Variants in RIPOR2 observed in about 807,000 individuals in gnomAD.
RIPOR2 encodes RHO family interacting cell polarization regulator 2.
A neutral mutation model predicts 114.5 loss-of-function variants in RIPOR2; 39 were observed. The observed-to-expected ratio is 0.34, with a 90% CI of 0.26 to 0.44. RIPOR2 has a LOEUF of 0.44. RIPOR2 is among the 20% of genes least tolerant of loss of function. The probability of loss-of-function intolerance (pLI) is 1.00; values close to 1 mark genes in which losing one functional copy is unlikely to be tolerated. For missense variants in RIPOR2, 1,007 were observed against 1,255.1 expected, an observed-to-expected ratio of 0.80 and a Z score of 2.99; for synonymous variants, 445 against 484.4, an observed-to-expected ratio of 0.92 and a Z score of 1.07.
intron 1 of RIPOR2, among the ~76,000 whole-genome samples, chr6:24,960,283 A>G (rs1773242817): frequency 6.6e-6 from 1 of 152,218 alleles, no homozygotes; most frequent in Non-Finnish European, 1.5e-5. Flanking sequence ...TCAAGGCACC[A>G]GCAGTTTAGG....
At chr6:24,869,474 T>C (rs537427076) in intron 5 of RIPOR2, among the ~76,000 whole-genome samples, 3 of 152,036 alleles carry the variant, frequency 2.0e-5, no homozygotes, top group Non-Finnish European at 4.4e-5. Context: ...CCCGCCACCA[T>C]GCCTGGCTAA....
intron 18 of RIPOR2, among the ~76,000 whole-genome samples, chr6:24,827,779 T>C (rs149331076): frequency 9.2e-5 from 14 of 152,312 alleles, no homozygotes; most frequent in Admixed American, 2.6e-4. Context: ...CTTCCTATTA[T>C]TAATGAAAGC....
intron 1 of RIPOR2, among the ~76,000 whole-genome samples, chr6:24,890,966 A>T (rs1014250853): frequency 1.3e-5 from 2 of 152,238 alleles, no homozygotes; most frequent in Non-Finnish European, 2.9e-5. Flanking sequence ...TACAAAAAAA[A>T]AATTACCTTG....
At chr6:24,927,822 G>C (rs1052337330) in intron 1 of RIPOR2, among the ~76,000 whole-genome samples, 4 of 152,306 alleles carry the variant, frequency 2.6e-5, no homozygotes, top group Non-Finnish European at 5.9e-5. Flanking sequence ...GGTTTTATGA[G>C]TTCAAATATT....
chr6:24,871,319 G>A (rs892575989), intron 4 of RIPOR2, among the ~76,000 whole-genome samples: 2 of 152,104 alleles, frequency 1.3e-5, no homozygotes, highest in Non-Finnish European at 2.9e-5. Context: ...TACCTGCCTC[G>A]CTGTCTAAAC....
rs1554130561 is a variant in RIPOR2, at chr6:25,005,738, T to TATACATACATAC, written c.76+36112_76+36113insGTATGTATGTAT. The stretch of plus-strand genomic sequence containing the variant: ...ATATATATATATATATATATATATA[T>TATACATACATAC]ATACATTTACCGATCAAAAGATATG... On this transcript the variant is annotated intron_variant, in intron 1 of 13. Coordinates refer to the RIPOR2 transcript ENST00000510784. Among the ~76,000 whole-genome samples the TATACATACATAC allele has an allele frequency of 3.0e-4, 21 of 70,692 alleles. 1 individual carries two copies. The highest frequency in any genetic ancestry group is 4.9e-4 in the African/African-American group (12 of 24,378). 46.4% of individuals were successfully genotyped at this position (70,692 alleles called of 152,430 possible).
chr6:24,951,198 G>GC (rs2114201221), intron 1 of RIPOR2, among the ~76,000 whole-genome samples: 1 of 152,288 alleles, frequency 6.6e-6, no homozygotes, highest in South Asian at 2.1e-4. Flanking sequence ...GGAACACTCT[G>GC]CCCTACAGTG....
At chr6:24,820,507 A>G (rs1043828203) in intron 19 of RIPOR2, among the ~76,000 whole-genome samples, 3 of 152,216 alleles carry the variant, frequency 2.0e-5, no homozygotes, top group Non-Finnish European at 4.4e-5. Context: ...TCCTGTACCC[A>G]TTAGTAGTCA....
intron 1 of RIPOR2, among the ~76,000 whole-genome samples, chr6:25,038,971 G>T (rs1008299662): frequency 6.6e-6 from 1 of 152,248 alleles, no homozygotes; most frequent in Non-Finnish European, 1.5e-5. Context: ...ACCAATGTCT[G>T]CATGGGCATG....
At chr6:24,983,670 T>C (rs555700006) in intron 1 of RIPOR2, among the ~76,000 whole-genome samples, 31 of 148,446 alleles carry the variant, frequency 2.1e-4, no homozygotes, top group Non-Finnish European at 4.0e-4. Flanking sequence ...GACAGGAGAA[T>C]TGCTTGAACC....
intron 1 of RIPOR2, among the ~76,000 whole-genome samples, chr6:24,882,277 C>A (rs1191487542): frequency 6.6e-6 from 1 of 152,204 alleles, no homozygotes; most frequent in Non-Finnish European, 1.5e-5. Flanking sequence ...CAAATTTCAG[C>A]AATTTCACTA....
chr6:24,955,129 T>C (rs1772971701), intron 1 of RIPOR2, among the ~76,000 whole-genome samples: 1 of 152,226 alleles, frequency 6.6e-6, no homozygotes, highest in Non-Finnish European at 1.5e-5. Context: ...TTTACTTCTA[T>C]ATGTTTGCTT....
chr6:24,969,118 C>G (rs1365790844), intron 1 of RIPOR2, among the ~76,000 whole-genome samples: 1 of 152,312 alleles, frequency 6.6e-6, no homozygotes, highest in East Asian at 1.9e-4. Context: ...AGAATCACCT[C>G]GAGGTCTTGT....
chr6:24,896,795 C>T (rs1378963154), intron 1 of RIPOR2, among the ~76,000 whole-genome samples: 2 of 151,984 alleles, frequency 1.3e-5, no homozygotes, highest in East Asian at 1.9e-4. Flanking sequence ...CCCAGCTACT[C>T]GGGAGGCTGA....
intron 19 of RIPOR2, among the ~76,000 whole-genome samples, chr6:24,821,588 T>C (rs1434422842): frequency 6.6e-6 from 1 of 152,204 alleles, no homozygotes; most frequent in Non-Finnish European, 1.5e-5. Context: ...ACTAGCTCTT[T>C]ACTAGACCTA....
At chr6:24,942,080 T>C (rs1258571247) in intron 1 of RIPOR2, among the ~76,000 whole-genome samples, 1 of 152,166 alleles carries the variant, frequency 6.6e-6, no homozygotes, top group African/African-American at 2.4e-5. Flanking sequence ...AAGAAAGGCA[T>C]GCATTTTGTG....
chr6:24,861,013 C>T lies in RIPOR2; in HGVS notation c.675G>A (p.Glu225=). Reference sequence around the variant, plus strand: ...AGAATTCTCCCAGCAGATTCTCTAGCTCCACTTCAATGGTGCACATATTCT... The same window carrying T: ...AGAATTCTCCCAGCAGATTCTCTAGTTCCACTTCAATGGTGCACATATTCT... ...YTENMCTIEV[E]LENLLGEFSI... Residue 225 remains glutamate, a synonymous_variant, in exon 8 of 22, where the codon GAG becomes GAA. Transcript: ENST00000643898. 1.2e-6 allele frequency: 2 copies of T among 1,610,638 alleles called. No individual in the cohort carries two copies. Among genetic ancestry groups the T allele is most frequent in the Non-Finnish European group, 1.7e-6 (2 of 1,177,614 alleles).
intron 1 of RIPOR2, among the ~76,000 whole-genome samples, chr6:24,958,414 T>C (rs1227259850): frequency 6.6e-6 from 1 of 152,184 alleles, no homozygotes; most frequent in Non-Finnish European, 1.5e-5. Context: ...GAAGTTAAAA[T>C]AAACCTCTCT....
intron 1 of RIPOR2, chr6:25,015,293 C>CG (rs1168021171): frequency 6.6e-6 from 1 of 152,230 alleles, no homozygotes. Context: ...TGATAAGCAT[C>CG]GTGTCAAGAG....
Sources: gnomAD v4.1 joint callset for allele counts (sites outside exome capture counted in the v4.1 genomes callset) on GRCh38, gnomAD v4.1.1 for gene constraint, MANE v1.5 for transcripts, NCBI Gene and HGNC (gene_info 2026-07-23, HGNC 2026-07-21) for gene names.